ZNF585A: variants seen among roughly 807,000 people sequenced by gnomAD.
ZNF585A encodes the protein zinc finger protein 585A.
A neutral mutation model predicts 14.9 loss-of-function variants in ZNF585A; 9 were observed. The ratio of observed to expected loss-of-function variants is 0.60; its 90% CI spans 0.36 to 1.05. ZNF585A has a LOEUF of 1.05. ZNF585A is among the 50% of genes least tolerant of loss of function. The pLI is 0.01. For missense variants in ZNF585A, 726 were observed against 926.4 expected (o/e 0.78, Z 2.81); for synonymous variants, 276 against 319.9 (o/e 0.86, Z 1.46).
At chr19:37,154,974 G>A (rs111992108) in intron 4 of ZNF585A, among the ~76,000 whole-genome samples, 14 of 150,462 alleles carry the variant, frequency 9.3e-5, no homozygotes, top group African/African-American at 3.4e-4. Flanking sequence ...TAGAGAAAAT[G>A]AGCATAACCA....
At position 37,147,015 on chromosome 19, in the gene ZNF585A, T is replaced by G. The variant is rs1489125084; in HGVS notation, c.*4574A>C. The G allele has an allele frequency of 6.6e-6, 1 of 152,204 alleles. No homozygotes were observed. Among genetic ancestry groups the G allele is most frequent in the Non-Finnish European group, 1.5e-5 (1 of 68,068 alleles). The allele number at this position is 152,204 out of a possible 1,614,324, so 9.4% of individuals were successfully genotyped here. A position where few individuals can be genotyped will look rare whatever the true frequency, so the allele number is the denominator to read the frequency against. On this transcript the variant is annotated 3_prime_UTR_variant, in exon 5 of 5. Transcript: ENST00000292841. ...TATTGCTATTATTCATTCATCCATT[T>G]AACAAGCTTGTACTGAGCATCTGCT...
In ZNF585A at chr19:37,151,091, G is replaced by A. The variant is rs977796318; in HGVS notation, c.*498C>T. On this transcript the variant is annotated 3_prime_UTR_variant, in exon 5 of 5. Transcript: ENST00000292841. ...GAATGAGGGTTGGATATGACCAACT[G>A]TGGTAGATTCGAATGAGAAAGAAAA... 1.5e-5 allele frequency: 5 copies of A among 341,944 alleles called. No individual in the cohort carries two copies. Among genetic ancestry groups the A allele is most frequent in the Non-Finnish European group, 2.6e-5 (5 of 190,980 alleles). 21.2% of individuals were successfully genotyped at this position (341,944 alleles called of 1,614,324 possible).
chr19:37,158,794 G>C (rs1174109135), intron 2 of ZNF585A, among the ~76,000 whole-genome samples: 2 of 152,164 alleles, frequency 1.3e-5, no homozygotes, highest in Non-Finnish European at 2.9e-5. Flanking sequence ...TTATTTTGTT[G>C]TGTGACATTA....
At chr19:37,167,051 C>G (rs1246079117) in intron 2 of ZNF585A, among the ~76,000 whole-genome samples, 1 of 151,956 alleles carries the variant, frequency 6.6e-6, no homozygotes, top group Non-Finnish European at 1.5e-5. Flanking sequence ...CCAGGCTGGT[C>G]TTGAACTCCT....
rs769492958 is a variant in ZNF585A, at chr19:37,151,622, T to C, written c.2277A>G (p.Ser759=). The C allele has an allele frequency of 1.2e-6, 2 of 1,614,026 alleles. No homozygotes were observed. The highest frequency in any genetic ancestry group is 4.5e-5 in the East Asian group (2 of 44,890). Residue 759 remains serine (S), a synonymous_variant, in exon 5 of 5, where the codon TCA becomes TCG. Coordinates refer to ENST00000292841, the MANE Select transcript of ZNF585A (RefSeq NM_001288800.2). ...GICGKGFVQK[S]VFSVHQSSHA ...GGCTGCTCTGATGGACGCTGAACAC[T>C]GATTTCTGAACGAAGCCTTTCCCAC... is the stretch of plus-strand genomic sequence containing the variant.
chr19:37,169,709 A>G (rs1972151249), intron 2 of ZNF585A, 130 bp downstream of exon 2: 2 of 984,306 alleles, frequency 2.0e-6, no homozygotes, highest in Non-Finnish European at 1.5e-6. Flanking sequence ...TTGTTTCAGG[A>G]GCAGCAGGTC....
Position 37,152,198 on chromosome 19 carries a change from A to C in ZNF585A, c.1701T>G (p.Val567=). Reference sequence around the variant, plus strand: ...TCTCTCCTGTATGAATTTTCTGATGAACAATGAGTATTGATTTCTGGTTGA... The same window carrying C: ...TCTCTCCTGTATGAATTTTCTGATGCACAATGAGTATTGATTTCTGGTTGA... The part of the protein sequence containing the change: ...KAFNQKSILI[V]HQKIHTGEKP... The change falls in exon 5 of 5, where the codon GTT becomes GTG. Residue 567 remains valine (V), a synonymous_variant. Coordinates refer to ENST00000292841, the MANE Select transcript of ZNF585A (RefSeq NM_001288800.2). The C allele has an allele frequency of 6.2e-7, 1 of 1,612,888 alleles. No homozygotes were observed. The highest frequency in any genetic ancestry group is 1.7e-5 in the Admixed American group (1 of 59,820).
At chr19:37,156,442 T>C (rs992069237) in intron 2 of ZNF585A, 87 bp from the exon 3 acceptor site, 20 of 1,461,934 alleles carry the variant, frequency 1.4e-5, no homozygotes, top group East Asian at 4.6e-5. Flanking sequence ...ACAGGTCTTG[T>C]TGTTTTAAAT....
chr19:37,168,103 T>A (rs1972125585), intron 2 of ZNF585A, among the ~76,000 whole-genome samples: 1 of 152,244 alleles, frequency 6.6e-6, no homozygotes, highest in African/African-American at 2.4e-5. Context: ...GTTAAACAAA[T>A]GTTGATAACT....
rs1474772425 is a variant in ZNF585A at position 37,149,866 on chromosome 19, C to T, written c.*1723G>A. 1 of 152,192 alleles carries T rather than the reference C, an allele frequency of 6.6e-6. No individual in the cohort carries two copies. Among genetic ancestry groups the T allele is most frequent in the East Asian group, 1.9e-4 (1 of 5,172 alleles). The allele number at this position is 152,192 out of a possible 1,614,324, so 9.4% of individuals were successfully genotyped here. ...GGGACCTCATCCTCATCACCATCTT[C>T]CAGGGATCATGACCATGCAAACATG... On this transcript the variant is annotated 3_prime_UTR_variant, in exon 5 of 5. Transcript: ENST00000292841.
At chr19:37,160,945 G>A (rs112695592) in intron 2 of ZNF585A, among the ~76,000 whole-genome samples, 3,204 of 152,016 alleles carry the variant, frequency 0.021, 120 homozygotes, top group African/African-American at 0.073. Context: ...ATCGGTCACT[G>A]CAGCCTCGAA....
chr19:37,146,902 A>C lies in ZNF585A; in HGVS notation c.*4687T>G, dbSNP rs1971750322. The C allele has an allele frequency of 6.6e-6, 1 of 152,246 alleles. No homozygotes were observed. The highest frequency in any genetic ancestry group is 2.1e-4 in the South Asian group (1 of 4,806). The allele number at this position is 152,246 out of a possible 1,614,324, so 9.4% of individuals were successfully genotyped here. On this transcript the variant is annotated 3_prime_UTR_variant, in exon 5 of 5. Transcript: ENST00000292841. ...TGGACCATGGTGGGAGGAGGCATTA[A>C]ATCTTGAATTAGAGGACCCAAACCC...
intron 2 of ZNF585A, among the ~76,000 whole-genome samples, chr19:37,163,518 G>A (rs1972042093): frequency 6.7e-6 from 1 of 148,662 alleles, no homozygotes. Context: ...AAACACAAAA[G>A]GTGGCAAAGA....
chr19:37,154,367 C>T (rs1411382446), intron 4 of ZNF585A, among the ~76,000 whole-genome samples: 2 of 152,054 alleles, frequency 1.3e-5, no homozygotes, highest in African/African-American at 4.8e-5. Context: ...TCATATAAAA[C>T]AGTAGCTTAT....
Position 37,151,525 on chromosome 19 carries a change from T to C in ZNF585A, c.*64A>G, listed in dbSNP as rs950309852. ...TACAATAATATACATATTTTTCTGCTGCATGCGTGCAACAGTGTACAATCA... is the reference window on the plus strand; with the variant it reads ...TACAATAATATACATATTTTTCTGCCGCATGCGTGCAACAGTGTACAATCA... On this transcript the variant is annotated 3_prime_UTR_variant, in exon 5 of 5. Transcript: ENST00000292841. 1.4e-6 allele frequency: 2 copies of C among 1,422,996 alleles called. No homozygotes were observed. Among genetic ancestry groups the C allele is most frequent in the Non-Finnish European group, 1.9e-6 (2 of 1,045,838 alleles). The allele number at this position is 1,422,996 out of a possible 1,614,324, so 88.1% of individuals were successfully genotyped here.
intron 2 of ZNF585A, among the ~76,000 whole-genome samples, chr19:37,164,263 C>T (rs553745374): frequency 6.6e-6 from 1 of 151,986 alleles, no homozygotes; most frequent in African/African-American, 2.4e-5. Flanking sequence ...ATTAGCAGGG[C>T]GTGGTGGCGG....
intron 2 of ZNF585A, among the ~76,000 whole-genome samples, chr19:37,160,386 A>ATAAC (rs1175900052): frequency 8.7e-5 from 13 of 148,976 alleles, no homozygotes; most frequent in South Asian, 6.3e-4. Context: ...AAATAAATAA[A>ATAAC]TAACTAGAAA....
At chr19:37,168,626 CAT>C (rs750391710) in intron 2 of ZNF585A, among the ~76,000 whole-genome samples, 47 of 152,300 alleles carry the variant, frequency 3.1e-4, no homozygotes, top group African/African-American at 7.5e-4. Flanking sequence ...GATACCCAAT[CAT>C]AAAATTTCCC....
chr19:37,156,694 A>ATT (rs113015250), intron 2 of ZNF585A, among the ~76,000 whole-genome samples: 13,680 of 149,182 alleles, frequency 0.092, 1,039 homozygotes, highest in African/African-American at 0.21. Context: ...CTAATACTTC[A>ATT]TTTTTTTTTT....
Sources: gnomAD v4.1 joint callset for allele counts (sites outside exome capture counted in the v4.1 genomes callset) on GRCh38, gnomAD v4.1.1 for gene constraint, MANE v1.5 for transcripts, NCBI Gene and HGNC (gene_info 2026-07-23, HGNC 2026-07-21) for gene names.